The following CNTNAP2 variants were observed in gnomAD, a reference collection of about 807,000 sequenced individuals.
CNTNAP2 encodes contactin-associated protein-like 2.
A neutral mutation model predicts 155.2 loss-of-function variants in CNTNAP2; 98 were observed. The observed-to-expected ratio is 0.63, with a 90% CI of 0.54 to 0.75. The LOEUF (loss-of-function observed/expected upper bound fraction) is 0.75. Among genes scored for constraint, CNTNAP2 ranks in the 30% least tolerant of loss-of-function variants. The probability of loss-of-function intolerance (pLI) is 0.00; values close to 1 mark genes in which losing one functional copy is unlikely to be tolerated. For missense variants in CNTNAP2, 1,727 were observed against 1,688.1 expected (o/e 1.02, Z -0.40); for synonymous variants, 651 against 631.2 (o/e 1.03, Z -0.47).
chr7:146,538,750 T>C (rs28538906), intron 1 of CNTNAP2, among the ~76,000 whole-genome samples: 1 of 148,526 alleles, frequency 6.7e-6, no homozygotes, highest in Non-Finnish European at 1.5e-5. Flanking sequence ...TCCACCGAGA[T>C]GGGAAAGACA....
intron 3 of CNTNAP2, among the ~76,000 whole-genome samples, chr7:146,973,083 C>T (rs577353410): frequency 3.3e-5 from 5 of 152,282 alleles, no homozygotes; most frequent in African/African-American, 9.6e-5. Flanking sequence ...GGCTGGAGTG[C>T]AATGGCACGA....
At chr7:146,750,852 T>C (rs1801891254) in intron 1 of CNTNAP2, among the ~76,000 whole-genome samples, 1 of 152,192 alleles carries the variant, frequency 6.6e-6, no homozygotes, top group Non-Finnish European at 1.5e-5. Context: ...ACTTTTTCCA[T>C]GAAAAGTTAA....
chr7:146,709,152 A>G (rs947490689), intron 1 of CNTNAP2, among the ~76,000 whole-genome samples: 2 of 152,120 alleles, frequency 1.3e-5, no homozygotes, highest in Admixed American at 6.6e-5. Context: ...ATTTTTTTCC[A>G]TATTATAGAA....
chr7:147,049,253 C>A lies in CNTNAP2; in HGVS notation c.550+5199C>A, dbSNP rs149108134. 1.2e-4 allele frequency among the ~76,000 whole-genome samples: 18 copies of A among 152,280 alleles called. No homozygotes were observed. In the East Asian group the frequency reaches 3.3e-3, roughly 28 times the overall value. The stretch of plus-strand genomic sequence containing the variant: ...GTACACCAAATGTCCAGATAAGATT[C>A]TTTTTCATTTATTATTTTTGAAGAA... On this transcript the variant is annotated intron_variant, in intron 4 of 23. Transcript: ENST00000361727.
chr7:147,901,887 C>T (rs1449459001), intron 13 of CNTNAP2, among the ~76,000 whole-genome samples: 1 of 152,154 alleles, frequency 6.6e-6, no homozygotes, highest in African/African-American at 2.4e-5. Flanking sequence ...GACTATTAGG[C>T]CAAATGATAA....
At chr7:146,575,072 G>A (rs528895791) in intron 1 of CNTNAP2, among the ~76,000 whole-genome samples, 1 of 152,194 alleles carries the variant, frequency 6.6e-6, no homozygotes, top group East Asian at 1.9e-4. Context: ...AACCCCAAAA[G>A]CCTTAGCCTA....
intron 1 of CNTNAP2, among the ~76,000 whole-genome samples, chr7:146,122,727 C>G (rs750989656): frequency 1.3e-5 from 2 of 152,166 alleles, no homozygotes; most frequent in Non-Finnish European, 2.9e-5. Flanking sequence ...GCTTAGAATA[C>G]CGTTTCTTTA....
At chr7:148,034,296 A>G (rs1272457992) in intron 15 of CNTNAP2, among the ~76,000 whole-genome samples, 1 of 152,180 alleles carries the variant, frequency 6.6e-6, no homozygotes, top group East Asian at 1.9e-4. Context: ...TATCAGGGCT[A>G]TGGTTTAATT....
intron 1 of CNTNAP2, among the ~76,000 whole-genome samples, chr7:146,386,421 C>T (rs1255706996): frequency 6.6e-6 from 1 of 152,184 alleles, no homozygotes; most frequent in East Asian, 1.9e-4. Context: ...CAGAGTCTAG[C>T]TCTGTCGCCC....
At chr7:148,188,513 T>A (rs1795156297) in intron 18 of CNTNAP2, among the ~76,000 whole-genome samples, 1 of 152,218 alleles carries the variant, frequency 6.6e-6, no homozygotes. Context: ...AAGATACTCC[T>A]TTCTTTGCTG....
At chr7:148,144,045 G>A (rs986945202) in intron 16 of CNTNAP2, among the ~76,000 whole-genome samples, 1 of 152,080 alleles carries the variant, frequency 6.6e-6, no homozygotes, top group Non-Finnish European at 1.5e-5. Context: ...GAGATTCCAG[G>A]GCAAAATCCG....
At chr7:147,785,860 T>G (rs1797730453) in intron 13 of CNTNAP2, among the ~76,000 whole-genome samples, 1 of 151,548 alleles carries the variant, frequency 6.6e-6, no homozygotes, top group Non-Finnish European at 1.5e-5. Flanking sequence ...GGTGTAGTGG[T>G]GCAGGGCTGT....
chr7:148,275,174 C>A (rs1796851122), intron 21 of CNTNAP2, among the ~76,000 whole-genome samples: 1 of 152,178 alleles, frequency 6.6e-6, no homozygotes, highest in Admixed American at 6.5e-5. Flanking sequence ...GATAGGGGAT[C>A]ATACAATGTA....
intron 19 of CNTNAP2, among the ~76,000 whole-genome samples, chr7:148,220,715 G>T (rs560604575): frequency 1.3e-5 from 2 of 151,760 alleles, no homozygotes; most frequent in South Asian, 4.2e-4. Context: ...CAGTACTTTT[G>T]TATGCATGTC....
At chr7:148,185,973 A>G (rs1200733223) in intron 18 of CNTNAP2, among the ~76,000 whole-genome samples, 2 of 152,216 alleles carry the variant, frequency 1.3e-5, no homozygotes, top group African/African-American at 4.8e-5. Context: ...AACACTTAAT[A>G]ACTTCTTTTA....
chr7:148,172,192 C>T, intron 17 of CNTNAP2, 50 bp from the exon 18 acceptor site: 1 of 1,543,006 alleles, frequency 6.5e-7, no homozygotes, highest in Non-Finnish European at 8.9e-7. Flanking sequence ...AAGAATTAAG[C>T]AATAGCAGAG....
At position 147,395,733 on chromosome 7, in the gene CNTNAP2, G is replaced by A. The variant is rs146873712; in HGVS notation, c.1623G>A (p.Pro541=). The A allele has an allele frequency of 6.3e-5, 101 of 1,612,438 alleles. No homozygotes were observed. Among genetic ancestry groups the A allele is most frequent in the African/African-American group, 9.3e-5 (7 of 74,912 alleles). The part of the protein sequence containing the change: ...VNLYEVAQRK[P]GSFANVSIDM... ...TATACGAAGTGGCACAAAGGAAGCC[G>A]GGAAGTTTCGCGAATGTCAGCATTG... The change falls in exon 10 of 24, where the codon CCG becomes CCA. Residue 541 remains proline (P), a synonymous_variant. Transcript: ENST00000361727.
intron 2 of CNTNAP2, among the ~76,000 whole-genome samples, chr7:146,824,269 T>G (rs1803355927): frequency 6.6e-6 from 1 of 152,220 alleles, no homozygotes; most frequent in Non-Finnish European, 1.5e-5. Context: ...TGACACATTT[T>G]CTTTATTCAG....
rs533482301 is a variant in CNTNAP2, at chr7:147,398,648, G to A, written c.1670+2868G>A. Among the ~76,000 whole-genome samples, 14 of 109,372 alleles carry A rather than the reference G, an allele frequency of 1.3e-4. No homozygotes were observed. The East Asian group carries it at 1.8e-3, about 14-fold the overall frequency. 71.8% of individuals were successfully genotyped at this position (109,372 alleles called of 152,430 possible). ...TTTGCATGTGGCTTATTTTGTTCAC[G>A]TGCTTATTTTCTGAACGCAGCTTTG... On this transcript the variant is annotated intron_variant, in intron 10 of 23. Transcript: ENST00000361727.
Sources: gnomAD v4.1 joint callset for allele counts (sites outside exome capture counted in the v4.1 genomes callset) on GRCh38, gnomAD v4.1.1 for gene constraint, MANE v1.5 for transcripts, NCBI Gene and HGNC (gene_info 2026-07-23, HGNC 2026-07-21) for gene names.